NRG1: variants seen among roughly 807,000 people sequenced by gnomAD.
NRG1 encodes the protein neuregulin 1, also known as pro-neuregulin-1, membrane-bound isoform.
NRG1 carries 18 observed loss-of-function variants against 63.8 expected under a neutral mutation model. That is an observed-to-expected ratio of 0.28 (90% CI 0.19 to 0.42). The LOEUF (loss-of-function observed/expected upper bound fraction) is 0.42, where lower values mean the gene tolerates loss of function less well. Ranked by LOEUF, NRG1 falls within the 10% of genes least tolerant of loss-of-function variation. NRG1 has a pLI of 1.00. For synonymous variants in NRG1, 302 were observed against 301.3 expected, an observed-to-expected ratio of 1.00 and a Z score of -0.02; for missense variants, 762 against 814.7, an observed-to-expected ratio of 0.94 and a Z score of 0.79.
chr8:31,741,279 G>A (rs1451711471), intron 1 of NRG1, among the ~76,000 whole-genome samples: 1 of 151,808 alleles, frequency 6.6e-6, no homozygotes, highest in Non-Finnish European at 1.5e-5. Flanking sequence ...TCAGTACCTT[G>A]GTGCCAGGAT....
intron 1 of NRG1, among the ~76,000 whole-genome samples, chr8:31,733,037 C>T (rs1299760728): frequency 6.6e-6 from 1 of 152,122 alleles, no homozygotes; most frequent in Non-Finnish European, 1.5e-5. Flanking sequence ...ATTTAGCTCC[C>T]ACTTGTAAAT....
At chr8:32,639,710 T>C (rs1010581270) in intron 5 of NRG1, among the ~76,000 whole-genome samples, 1 of 152,240 alleles carries the variant, frequency 6.6e-6, no homozygotes, top group Non-Finnish European at 1.5e-5. Flanking sequence ...TATGCTGTGC[T>C]ATATACTGAC....
intron 2 of NRG1, among the ~76,000 whole-genome samples, chr8:32,605,319 T>A (rs1479384422): frequency 2.0e-5 from 3 of 152,180 alleles, no homozygotes; most frequent in African/African-American, 7.2e-5. Flanking sequence ...AGAATTCCTT[T>A]AAACTACTGA....
At chr8:31,884,553 C>T (rs948075250) in intron 1 of NRG1, among the ~76,000 whole-genome samples, 1 of 152,068 alleles carries the variant, frequency 6.6e-6, no homozygotes, top group Admixed American at 6.6e-5. Flanking sequence ...GTGACCACTC[C>T]CTTTTTGCCT....
At chr8:32,614,530 G>A (rs1175307333) in exon 4 of NRG1, 1 of 1,611,946 alleles carries the variant, frequency 6.2e-7, no homozygotes, top group East Asian at 2.2e-5. Context: ...TCACTGGTAT[G>A]CCAGCCTCAA....
chr8:31,915,209 T>C (rs1188535790), intron 1 of NRG1, among the ~76,000 whole-genome samples: 2 of 152,046 alleles, frequency 1.3e-5, no homozygotes, highest in Non-Finnish European at 2.9e-5. Context: ...TTAATTTTAA[T>C]TAAAAACATG....
At chr8:31,992,816 GT>G (rs1209441408) in intron 1 of NRG1, among the ~76,000 whole-genome samples, 1 of 151,948 alleles carries the variant, frequency 6.6e-6, no homozygotes, top group African/African-American at 2.4e-5. Context: ...AATGTACAGT[GT>G]TGTCAAGTAT....
chr8:31,868,479 T>C (rs956483974), intron 1 of NRG1, among the ~76,000 whole-genome samples: 2 of 152,204 alleles, frequency 1.3e-5, no homozygotes, highest in African/African-American at 2.4e-5. Flanking sequence ...ATTATCCTGA[T>C]TTCAGTGGAT....
At chr8:32,747,251 TG>T (rs1413137043) in intron 7 of NRG1, among the ~76,000 whole-genome samples, 1 of 152,164 alleles carries the variant, frequency 6.6e-6, no homozygotes, top group African/African-American at 2.4e-5. Context: ...CCTGACTCTC[TG>T]GAAAGAGTTT....
intron 1 of NRG1, among the ~76,000 whole-genome samples, chr8:32,576,793 A>T (rs1192777168): frequency 6.6e-6 from 1 of 151,214 alleles, no homozygotes; most frequent in Non-Finnish European, 1.5e-5. Context: ...TATATTTTAT[A>T]TTTATATTTA....
intron 1 of NRG1, among the ~76,000 whole-genome samples, chr8:32,506,259 AAAAAC>A (rs1300174858): frequency 6.6e-6 from 1 of 152,106 alleles, no homozygotes; most frequent in Non-Finnish European, 1.5e-5. Flanking sequence ...GAAAGAAAGA[AAAAAC>A]AAAACAAAAC....
chr8:32,018,159 A>G (rs1484344326), intron 1 of NRG1, among the ~76,000 whole-genome samples: 3 of 152,188 alleles, frequency 2.0e-5, no homozygotes, highest in African/African-American at 7.2e-5. Context: ...AGGTTGTCCA[A>G]TTTTTTCTAA....
chr8:32,400,607 G>GCCAGTCAGA (rs1458991154), intron 1 of NRG1, among the ~76,000 whole-genome samples: 64 of 152,210 alleles, frequency 4.2e-4, no homozygotes, highest in African/African-American at 1.5e-3. Flanking sequence ...ACCATTTCAC[G>GCCAGTCAGA]CCAGTCAGAA....
rs1027946498 is a variant in NRG1 at position 32,197,968 on chromosome 8, G to A, written c.38-397860G>A. 2.0e-5 allele frequency among the ~76,000 whole-genome samples: 3 copies of A among 150,512 alleles called. 1 individual carries two copies. The South Asian group carries it at 6.2e-4, about 31-fold the overall frequency. On this transcript the variant is annotated intron_variant, in intron 1 of 10. Transcript: ENST00000519301. The stretch of plus-strand genomic sequence containing the variant: ...TCACTAAGCGCATGTGCACACACAC[G>A]CATGCACGCGCACACACACACACAC...
intron 1 of NRG1, among the ~76,000 whole-genome samples, chr8:32,347,538 T>C (rs1805067258): frequency 6.6e-6 from 1 of 152,192 alleles, no homozygotes; most frequent in Non-Finnish European, 1.5e-5. Context: ...ACACCTCATA[T>C]AGTAATGAAA....
intron 7 of NRG1, among the ~76,000 whole-genome samples, chr8:32,743,718 T>A (rs974663091): frequency 1.3e-5 from 2 of 150,412 alleles, no homozygotes; most frequent in African/African-American, 4.9e-5. Context: ...AACCAAACCA[T>A]GTATTTGTCC....
chr8:32,275,360 T>C (rs1322062287), intron 1 of NRG1, among the ~76,000 whole-genome samples: 1 of 152,022 alleles, frequency 6.6e-6, no homozygotes, highest in Non-Finnish European at 1.5e-5. Context: ...GGTAAGAATA[T>C]ACAGCGATAG....
chr8:32,354,964 T>C (rs1473289033), intron 1 of NRG1, among the ~76,000 whole-genome samples: 1 of 151,736 alleles, frequency 6.6e-6, no homozygotes, highest in Non-Finnish European at 1.5e-5. Context: ...CTATCAGCAA[T>C]ATAAATTGCA....
intron 1 of NRG1, among the ~76,000 whole-genome samples, chr8:31,735,690 C>A (rs1814588784): frequency 6.6e-6 from 1 of 152,188 alleles, no homozygotes; most frequent in Non-Finnish European, 1.5e-5. Flanking sequence ...TATTTGCCAA[C>A]ACATAGATGT....
Sources: allele counts gnomAD v4.1 joint callset (sites outside exome capture counted in the v4.1 genomes callset), GRCh38; gene constraint gnomAD v4.1.1; transcripts MANE v1.5; gene names NCBI Gene and HGNC (gene_info 2026-07-23, HGNC 2026-07-21).